ENOX1: variants seen among roughly 807,000 people sequenced by gnomAD.
ENOX1 encodes the protein ecto-NOX disulfide-thiol exchanger 1.
ENOX1 carries 42 observed loss-of-function variants against 82.5 expected under a neutral mutation model. The observed-to-expected ratio is 0.51, with a 90% CI of 0.40 to 0.66. The LOEUF (loss-of-function observed/expected upper bound fraction) is 0.66, where lower values mean the gene tolerates loss of function less well. Ranked by LOEUF, ENOX1 falls within the 30% of genes least tolerant of loss-of-function variation. The pLI, the probability that ENOX1 is intolerant of heterozygous loss-of-function variation, is 0.00. For synonymous variants in ENOX1, 271 were observed against 282.2 expected, an observed-to-expected ratio of 0.96 and a Z score of 0.40; for missense variants, 608 against 811.6, an observed-to-expected ratio of 0.75 and a Z score of 3.05.
chr13:43,308,151 T>C (rs74346615), intron 11 of ENOX1, among the ~76,000 whole-genome samples: 144,895 of 152,042 alleles, frequency 0.95, 69,462 homozygotes, highest in East Asian at 1. Context: ...CCCTCCACAC[T>C]TTGCCCTCCC....
At chr13:43,656,735 T>C (rs1468476146) in intron 2 of ENOX1, among the ~76,000 whole-genome samples, 2 of 152,184 alleles carry the variant, frequency 1.3e-5, no homozygotes, top group Non-Finnish European at 2.9e-5. Context: ...GGGCACCAAA[T>C]AGACCACGCT....
intron 1 of ENOX1, among the ~76,000 whole-genome samples, chr13:43,726,214 T>C (rs1030275074): frequency 1.8e-4 from 26 of 147,974 alleles, no homozygotes; most frequent in African/African-American, 6.6e-4. Context: ...AAATTTTTCA[T>C]CTTTTTTTTT....
chr13:43,717,397 T>C (rs1367814235), intron 1 of ENOX1, among the ~76,000 whole-genome samples: 3 of 152,184 alleles, frequency 2.0e-5, no homozygotes, highest in African/African-American at 7.2e-5. Flanking sequence ...TAACCCAACA[T>C]GGATTAAAGA....
intron 3 of ENOX1, among the ~76,000 whole-genome samples, chr13:43,468,686 A>G (rs2057854767): frequency 1.3e-5 from 2 of 151,902 alleles, no homozygotes; most frequent in African/African-American, 4.8e-5. Context: ...ATGGCACTGA[A>G]TCTGTAGATA....
chr13:43,388,646 G>A (rs1271080222), intron 5 of ENOX1, among the ~76,000 whole-genome samples: 2 of 152,156 alleles, frequency 1.3e-5, no homozygotes, highest in Non-Finnish European at 1.5e-5. Context: ...ATTGACTACA[G>A]GCCAGGGTCA....
chr13:43,466,718 G>T (rs1402742711), intron 3 of ENOX1, among the ~76,000 whole-genome samples: 2 of 152,082 alleles, frequency 1.3e-5, no homozygotes, highest in African/African-American at 4.8e-5. Context: ...TCACAAAGTT[G>T]TGTGACCATT....
chr13:43,217,883 G>A (rs1342325797), intron 16 of ENOX1, among the ~76,000 whole-genome samples: 1 of 152,320 alleles, frequency 6.6e-6, no homozygotes, highest in Middle Eastern at 3.4e-3. Context: ...CTTAAAATGA[G>A]AGGATGTGAT....
intron 3 of ENOX1, among the ~76,000 whole-genome samples, chr13:43,467,651 TA>T: frequency 6.6e-6 from 1 of 152,188 alleles, no homozygotes. Context: ...CACAAAAGTT[TA>T]AAATTTTGAT....
At chr13:43,427,087 A>C (rs1024728551) in intron 3 of ENOX1, among the ~76,000 whole-genome samples, 4 of 152,190 alleles carry the variant, frequency 2.6e-5, no homozygotes, top group Non-Finnish European at 5.9e-5. Flanking sequence ...AGTAAATATC[A>C]ATATACACTA....
chr13:43,257,687 T>C (rs1056720984), intron 14 of ENOX1, among the ~76,000 whole-genome samples: 2 of 152,172 alleles, frequency 1.3e-5, no homozygotes, highest in Non-Finnish European at 2.9e-5. Flanking sequence ...GGGATAACAG[T>C]ATTTATGCAT....
intron 15 of ENOX1, among the ~76,000 whole-genome samples, chr13:43,228,095 CTTTTTTTTTTTTTTTT>C (rs551861545): frequency 1.2e-5 from 1 of 84,722 alleles, no homozygotes; most frequent in Non-Finnish European, 2.2e-5. Flanking sequence ...CTCTTTGCAG[CTTTTTTTTTTTTTTTT>C]TTTTTTTTTT....
At chr13:43,242,392 TG>T (rs1305721712) in intron 14 of ENOX1, among the ~76,000 whole-genome samples, 1 of 152,274 alleles carries the variant, frequency 6.6e-6, no homozygotes, top group African/African-American at 2.4e-5. Flanking sequence ...CTTGCCAAAG[TG>T]TGCTCCCCAA....
intron 3 of ENOX1, among the ~76,000 whole-genome samples, chr13:43,482,945 A>G (rs1003772128): frequency 2.6e-5 from 4 of 152,086 alleles, no homozygotes; most frequent in Admixed American, 2.6e-4. Flanking sequence ...TCACTGTTCA[A>G]TGGGGGTTAA....
intron 2 of ENOX1, among the ~76,000 whole-genome samples, chr13:43,666,797 A>G (rs1037941645): frequency 6.6e-5 from 10 of 152,168 alleles, no homozygotes; most frequent in South Asian, 2.1e-4. Flanking sequence ...GGGTCTATCT[A>G]TGGAAGCTTT....
chr13:43,465,322 G>A (rs148740220), intron 3 of ENOX1, among the ~76,000 whole-genome samples: 1,895 of 152,090 alleles, frequency 0.012, 14 homozygotes, highest in Middle Eastern at 0.037. Context: ...TTATACTTTC[G>A]GTTATAATCA....
At chr13:43,629,212 G>A (rs147319629) in intron 2 of ENOX1, among the ~76,000 whole-genome samples, 58 of 152,276 alleles carry the variant, frequency 3.8e-4, no homozygotes, top group African/African-American at 1.3e-3. Flanking sequence ...TCCCTGGCAC[G>A]GGTAAGAGTG....
At chr13:43,524,095 C>T (rs2077889317) in intron 2 of ENOX1, among the ~76,000 whole-genome samples, 1 of 152,140 alleles carries the variant, frequency 6.6e-6, no homozygotes, top group Non-Finnish European at 1.5e-5. Context: ...TCAGGAAGGC[C>T]ACCCAACCAC....
At chr13:43,367,768 T>G (rs2050946399) in intron 5 of ENOX1, among the ~76,000 whole-genome samples, 1 of 151,916 alleles carries the variant, frequency 6.6e-6, no homozygotes, top group Non-Finnish European at 1.5e-5. Flanking sequence ...CAGGGGAGTG[T>G]CAGGGAAGGA....
chr13:43,253,197 G>A (rs1301748993), intron 14 of ENOX1, among the ~76,000 whole-genome samples: 14 of 152,186 alleles, frequency 9.2e-5, no homozygotes, highest in African/African-American at 2.9e-4. Flanking sequence ...CTGCTCTGCC[G>A]CCTGCCAGGG....
Sources: gnomAD v4.1 joint callset for allele counts (sites outside exome capture counted in the v4.1 genomes callset) on GRCh38, gnomAD v4.1.1 for gene constraint, MANE v1.5 for transcripts, NCBI Gene and HGNC (gene_info 2026-07-23, HGNC 2026-07-21) for gene names.